Variants in EHMT1 observed in about 807,000 individuals in gnomAD.
The protein encoded by EHMT1 is euchromatic histone lysine methyltransferase 1.
Under a neutral mutation model 147.2 loss-of-function variants are expected in EHMT1, and 15 were observed. The ratio of observed to expected loss-of-function variants is 0.10; its 90% CI spans 0.07 to 0.16. The LOEUF is 0.16. EHMT1 is among the 10% of genes least tolerant of loss of function. The pLI is 1.00. For synonymous variants in EHMT1, 795 were observed against 709.6 expected, an observed-to-expected ratio of 1.12 and a Z score of -1.91; for missense variants, 1,587 against 1,772.4, an observed-to-expected ratio of 0.90 and a Z score of 1.88.
intron 1 of EHMT1, among the ~76,000 whole-genome samples, chr9:137,636,820 A>G (rs1020640617): frequency 5.3e-5 from 8 of 151,582 alleles, no homozygotes; most frequent in African/African-American, 1.5e-4. Context: ...ATCTTTGTTC[A>G]TAAGTGGTAT....
intron 15 of EHMT1, among the ~76,000 whole-genome samples, chr9:137,783,315 CT>C (rs1424149221): frequency 2.6e-5 from 4 of 152,204 alleles, no homozygotes; most frequent in Non-Finnish European, 4.4e-5. Flanking sequence ...GTTTTCTTGT[CT>C]TTTGGTTCTG....
In EHMT1 at chr9:137,728,437, T is replaced by G; in HGVS notation, c.731T>G (p.Phe244Cys). ...GAGATCAACAAAAACATTTCTGACTTTGGACGACAGCAGCTTTTACCCCCC... is the reference window on the plus strand; with the variant it reads ...GAGATCAACAAAAACATTTCTGACTGTGGACGACAGCAGCTTTTACCCCCC... ...KEEINKNISD[F>C]GRQQLLPPFP... The change falls in exon 4 of 27, where the codon TTT becomes TGT. Residue 244 changes from phenylalanine to cysteine, a missense_variant. Around this residue, in one of 7 missense-constraint regions of EHMT1, gnomAD observed 810 missense variants for 673.0 expected, o/e 1.20. Coordinates refer to ENST00000460843, the MANE Select transcript of EHMT1 (RefSeq NM_024757.5). 6.2e-7 allele frequency: 1 copy of G among 1,614,146 alleles called. No homozygotes were observed. The highest frequency in any genetic ancestry group is 8.5e-7 in the Non-Finnish European group (1 of 1,180,010).
chr9:137,817,565 T>C, intron 24 of EHMT1, 40 bp downstream of exon 24: 1 of 1,612,964 alleles, frequency 6.2e-7, no homozygotes, highest in South Asian at 1.1e-5. Flanking sequence ...TGGTGTCATT[T>C]CTGGGACGGA....
intron 18 of EHMT1, among the ~76,000 whole-genome samples, chr9:137,803,606 A>C (rs1452237619): frequency 1.3e-5 from 2 of 152,154 alleles, no homozygotes; most frequent in East Asian, 3.9e-4. Context: ...GATGCTGTGA[A>C]TACTCATGCC....
chr9:137,810,094 G>A (rs1324840294), intron 18 of EHMT1, among the ~76,000 whole-genome samples: 2 of 137,504 alleles, frequency 1.5e-5, no homozygotes, highest in Non-Finnish European at 3.0e-5. Context: ...TTCGGATGCC[G>A]CCCTGTGTGG....
At chr9:137,701,552 G>A (rs369803297) in intron 1 of EHMT1, among the ~76,000 whole-genome samples, 13 of 150,052 alleles carry the variant, frequency 8.7e-5, no homozygotes, top group South Asian at 2.1e-4. Context: ...TCTGCCTCCC[G>A]GGTTTGAGCA....
chr9:137,696,733 G>A (rs1366562072), intron 1 of EHMT1, among the ~76,000 whole-genome samples: 2 of 152,138 alleles, frequency 1.3e-5, no homozygotes, highest in Admixed American at 6.5e-5. Context: ...ATGTCTTGCC[G>A]TCATGGGGGT....
At chr9:137,688,178 C>T (rs1400111532) in intron 1 of EHMT1, among the ~76,000 whole-genome samples, 1 of 152,118 alleles carries the variant, frequency 6.6e-6, no homozygotes, top group Non-Finnish European at 1.5e-5. Context: ...CATGCGCCAC[C>T]ACGCCTGGCT....
intron 3 of EHMT1, among the ~76,000 whole-genome samples, chr9:137,718,971 T>C (rs1945650176): frequency 1.3e-5 from 2 of 152,030 alleles, no homozygotes; most frequent in Admixed American, 1.3e-4. Flanking sequence ...GGCCAGGCTG[T>C]TCTTGAACTG....
At chr9:137,647,096 T>C (rs1423393549) in intron 1 of EHMT1, among the ~76,000 whole-genome samples, 1 of 152,218 alleles carries the variant, frequency 6.6e-6, no homozygotes, top group Admixed American at 6.5e-5. Context: ...CACTGCACTC[T>C]TCTGGTTTCC....
chr9:137,805,628 A>G (rs1027614339), intron 18 of EHMT1, among the ~76,000 whole-genome samples: 1 of 151,662 alleles, frequency 6.6e-6, no homozygotes, highest in Non-Finnish European at 1.5e-5. Flanking sequence ...GAACACCATA[A>G]TAGCCATGTA....
At chr9:137,624,850 G>A (rs949798850) in intron 1 of EHMT1, among the ~76,000 whole-genome samples, 1 of 151,672 alleles carries the variant, frequency 6.6e-6, no homozygotes, top group Admixed American at 6.6e-5. Context: ...GGGATTAAAG[G>A]CATGATCCAC....
chr9:137,657,575 C>T (rs1193351830), intron 1 of EHMT1, among the ~76,000 whole-genome samples: 1 of 150,238 alleles, frequency 6.7e-6, no homozygotes, highest in Non-Finnish European at 1.5e-5. Flanking sequence ...TTATGGGGTA[C>T]ATGAGATGTT....
At chr9:137,635,679 A>G (rs948691353) in intron 1 of EHMT1, among the ~76,000 whole-genome samples, 64 of 150,788 alleles carry the variant, frequency 4.2e-4, no homozygotes, top group Middle Eastern at 6.8e-3. Flanking sequence ...AATTAGTGGG[A>G]CGTGGTGGCG....
chr9:137,784,287 CAGAG>C, intron 15 of EHMT1: 1 of 1,463,192 alleles, frequency 6.8e-7, no homozygotes, highest in Non-Finnish European at 9.1e-7. Flanking sequence ...CTCCGCCTTT[CAGAG>C]AGGCGTGGCT....
chr9:137,757,796 GC>G (rs934171008), intron 8 of EHMT1, 83 bp from the exon 9 acceptor site: 17 of 1,602,528 alleles, frequency 1.1e-5, no homozygotes, highest in African/African-American at 1.3e-5. Context: ...ATTTCCTGGG[GC>G]CCCAGCCTTG....
At chr9:137,737,287 G>A (rs191350232) in intron 4 of EHMT1, among the ~76,000 whole-genome samples, 6 of 152,332 alleles carry the variant, frequency 3.9e-5, no homozygotes, top group African/African-American at 1.4e-4. Context: ...TCAAAACAGT[G>A]TTATTCCAGC....
chr9:137,641,432 C>T, intron 1 of EHMT1: 1 of 530,210 alleles, frequency 1.9e-6, no homozygotes, highest in African/African-American at 1.9e-5. Context: ...CAGCACTGGT[C>T]AAACAATGCA....
intron 7 of EHMT1, among the ~76,000 whole-genome samples, chr9:137,753,753 T>G (rs1244904406): frequency 1.3e-5 from 2 of 152,222 alleles, no homozygotes; most frequent in Non-Finnish European, 2.9e-5. Flanking sequence ...GCCTCTGTCC[T>G]TGTTCTCTGT....
Sources: gnomAD v4.1 joint callset for allele counts (sites outside exome capture counted in the v4.1 genomes callset) on GRCh38, gnomAD v4.1.1 for gene constraint, gnomAD v4.1.1 regional missense constraint, MANE v1.5 for transcripts, NCBI Gene and HGNC (gene_info 2026-07-23, HGNC 2026-07-21) for gene names.